SVIL: variants seen among roughly 807,000 people sequenced by gnomAD.
SVIL encodes supervillin.
A neutral mutation model predicts 240.4 loss-of-function variants in SVIL; 101 were observed. The ratio of observed to expected loss-of-function variants is 0.42; its 90% CI spans 0.36 to 0.50. SVIL has a LOEUF of 0.50. Among genes scored for constraint, SVIL ranks in the 20% least tolerant of loss-of-function variants. The pLI is 0.01. For synonymous variants in SVIL, 999 were observed against 1,100.0 expected, an observed-to-expected ratio of 0.91 and a Z score of 1.82; for missense variants, 2,512 against 2,818.7, an observed-to-expected ratio of 0.89 and a Z score of 2.46.
chr10:29,704,153 C>A (rs938554252), intron 1 of SVIL, among the ~76,000 whole-genome samples: 1 of 152,146 alleles, frequency 6.6e-6, no homozygotes, highest in Non-Finnish European at 1.5e-5. Flanking sequence ...CTGGTACTTC[C>A]TGCTCCAGTG....
At chr10:29,635,013 C>T (rs889575292), upstream of SVIL, 5 of 151,990 alleles carry the variant, frequency 3.3e-5, no homozygotes, top group South Asian at 2.1e-4. Context: ...GGCCTGAACT[C>T]GAGAGCCTTG....
upstream of SVIL, among the ~76,000 whole-genome samples, chr10:29,636,901 A>T (rs1958330136): frequency 6.6e-6 from 1 of 152,046 alleles, no homozygotes; most frequent in African/African-American, 2.4e-5. Context: ...CCTCCCCAGG[A>T]GGCAGTCCTC....
chr10:29,586,166 C>A (rs913849038), intron 1 of SVIL, among the ~76,000 whole-genome samples: 2 of 152,196 alleles, frequency 1.3e-5, no homozygotes, highest in African/African-American at 2.4e-5. Flanking sequence ...TAACCACACA[C>A]ACTCATTAAA....
intron 17 of SVIL, chr10:29,508,195 C>T: frequency 2.6e-6 from 1 of 389,008 alleles, no homozygotes; most frequent in South Asian, 2.0e-5. Context: ...GCTCAGCTCT[C>T]CACTCCGGAC....
chr10:29,670,786 G>A (rs1323720620), intron 2 of SVIL, among the ~76,000 whole-genome samples: 1 of 152,160 alleles, frequency 6.6e-6, no homozygotes, highest in Non-Finnish European at 1.5e-5. Context: ...GCAAGGCTCA[G>A]CCTCCATATT....
intron 32 of SVIL, among the ~76,000 whole-genome samples, chr10:29,468,213 TATATA>T (rs570486572): frequency 7.3e-4 from 111 of 152,344 alleles, no homozygotes; most frequent in African/African-American, 2.5e-3. Flanking sequence ...CAGATGGAAT[TATATA>T]ATATATGTTC....
Position 29,524,581 on chromosome 10 carries a change from G to A in SVIL, c.2477C>T (p.Ser826Phe), listed in dbSNP as rs1564571168. 2 of 1,614,140 alleles carry A rather than the reference G, an allele frequency of 1.2e-6. No homozygotes were observed. Among genetic ancestry groups the A allele is most frequent in the Non-Finnish European group, 1.7e-6 (2 of 1,180,030 alleles). The change falls in exon 14 of 38, where the codon TCC (serine) becomes TTC (phenylalanine). Residue 826 changes from serine (S) to phenylalanine (F), a missense_variant. By Grantham distance (155) the Ser-to-Phe change is radical. Around this residue, in one of 3 missense-constraint regions of SVIL, gnomAD observed 1,443 missense variants for 1,486.6 expected, o/e 0.97. Transcript: ENST00000355867. ...AGAAATCGCTTTTGAGACTGGCTGG[G>A]ACAATTTGTTAAACAAGGCCAACTT... is the stretch of plus-strand genomic sequence containing the variant. ...AEKLALFNKL[S>F]QPVSKAISTR...
intron 3 of SVIL, among the ~76,000 whole-genome samples, chr10:29,651,817 G>A (rs1958846712): frequency 6.6e-6 from 1 of 152,056 alleles, no homozygotes; most frequent in Non-Finnish European, 1.5e-5. Context: ...GATTCTCAAA[G>A]CTGGCCCTCT....
intron 2 of SVIL, among the ~76,000 whole-genome samples, chr10:29,684,247 A>G (rs934262549): frequency 4.6e-5 from 7 of 152,214 alleles, no homozygotes; most frequent in Non-Finnish European, 4.4e-5. Context: ...TATCTGAGAC[A>G]GGTCTCAGTC....
chr10:29,721,029 A>G (rs1963941990), intron 1 of SVIL, among the ~76,000 whole-genome samples: 2 of 151,996 alleles, frequency 1.3e-5, no homozygotes, highest in Non-Finnish European at 2.9e-5. Context: ...GTATTTTTAG[A>G]AGAGATGGGG....
Position 29,481,679 on chromosome 10 carries a change from G to A in SVIL, c.5005C>T (p.His1669Tyr), listed in dbSNP as rs1169826949. ...DWAIFGRLTE[H>Y]NETILFKEKF... ...TCTTTGAACAAAATCGTCTCATTGTGTTCAGTAAGTCTCCCAAATATCGCC... is the reference window on the plus strand; with the variant it reads ...TCTTTGAACAAAATCGTCTCATTGTATTCAGTAAGTCTCCCAAATATCGCC... The change falls in exon 28 of 38, where the codon CAC (histidine) becomes TAC (tyrosine). Residue 1669 changes from histidine to tyrosine, a missense_variant. His to Tyr is a moderately conservative substitution (Grantham distance 83). Transcript: ENST00000355867. The A allele has an allele frequency of 5.0e-6, 8 of 1,613,512 alleles. No homozygotes were observed. In the South Asian group the frequency reaches 7.7e-5, roughly 16 times the overall value.
At chr10:29,658,628 C>A (rs907269865) in intron 2 of SVIL, among the ~76,000 whole-genome samples, 2 of 152,104 alleles carry the variant, frequency 1.3e-5, no homozygotes, top group African/African-American at 4.8e-5. Context: ...TGGAGGTGTG[C>A]TCCTGTGCTC....
chr10:29,499,005 G>T, intron 18 of SVIL, 111 bp downstream of exon 18: 2 of 1,427,590 alleles, frequency 1.4e-6, no homozygotes, highest in South Asian at 1.5e-5. Context: ...AAAAGACCAT[G>T]GTTTCTTCTT....
rs114740702 is a variant in SVIL, at chr10:29,533,916, A to C, written c.909-458T>G. On this transcript the variant is annotated intron_variant, in intron 7 of 37. Transcript: ENST00000355867. ...CCTATTGACCAAACGCTGTAATTTC[A>C]TTGTCGTCTGAAAATGTAAGAGCAC... Among the ~76,000 whole-genome samples the C allele has an allele frequency of 4.1e-3, 621 of 152,268 alleles. 6 individuals are homozygous for C. The highest frequency in any genetic ancestry group is 0.014 in the African/African-American group (599 of 41,556).
In SVIL at chr10:29,471,189, C is replaced by T; in HGVS notation, c.5584G>A (p.Gly1862Arg). 6.2e-7 allele frequency: 1 copy of T among 1,613,934 alleles called. No individual in the cohort carries two copies. ...CGCCTCCCCGAGTGCACCACCATCCCCCCCTGGAAACACTGCAGGAAACAG... is the reference window on the plus strand; with the variant it reads ...CGCCTCCCCGAGTGCACCACCATCCTCCCCTGGAAACACTGCAGGAAACAG... ...PPCFLQCFQG[G>R]MVVHSGRREE... Residue 1862 changes from glycine (G) to arginine (R), a missense_variant, in exon 31 of 38, where the codon GGG becomes AGG. Coordinates refer to ENST00000355867, the MANE Select transcript of SVIL (RefSeq NM_021738.3).
chr10:29,521,219 T>C, intron 16 of SVIL, among the ~76,000 whole-genome samples: 1 of 127,698 alleles, frequency 7.8e-6, no homozygotes, highest in Non-Finnish European at 1.6e-5. Flanking sequence ...CAAGACTTAG[T>C]CTCAAAAAGA....
chr10:29,614,362 A>T (rs1957357914), intron 1 of SVIL, among the ~76,000 whole-genome samples: 2 of 152,244 alleles, frequency 1.3e-5, no homozygotes, highest in Admixed American at 6.5e-5. Context: ...ACATGCACAC[A>T]TATGATTACT....
intron 3 of SVIL, among the ~76,000 whole-genome samples, chr10:29,560,607 T>C (rs1054894146): frequency 3.3e-5 from 5 of 152,250 alleles, no homozygotes; most frequent in African/African-American, 1.2e-4. Context: ...GAGACTTCCA[T>C]AAACTTCTCA....
chr10:29,603,566 C>G (rs1245750029), intron 1 of SVIL, among the ~76,000 whole-genome samples: 1 of 152,134 alleles, frequency 6.6e-6, no homozygotes, highest in Non-Finnish European at 1.5e-5. Context: ...AATTTCTTCA[C>G]CTGTAGGTTG....
Sources: allele counts gnomAD v4.1 joint callset (sites outside exome capture counted in the v4.1 genomes callset), GRCh38; gene constraint gnomAD v4.1.1; regional missense constraint gnomAD v4.1.1; transcripts MANE v1.5; gene names NCBI Gene and HGNC (gene_info 2026-07-23, HGNC 2026-07-21).